The following CPA6 variants were observed in gnomAD, a reference collection of about 807,000 sequenced individuals.
The protein encoded by CPA6 is carboxypeptidase A6.
Under a neutral mutation model 63.3 loss-of-function variants are expected in CPA6, and 58 were observed. The ratio of observed to expected loss-of-function variants is 0.92; its 90% CI spans 0.74 to 1.14. CPA6 has a LOEUF of 1.14. Ranked by LOEUF, CPA6 falls within the 50% of genes most tolerant of loss-of-function variation. The pLI is 0.00. For synonymous variants in CPA6, 185 were observed against 179.0 expected, an observed-to-expected ratio of 1.03 and a Z score of -0.27; for missense variants, 565 against 526.6, an observed-to-expected ratio of 1.07 and a Z score of -0.71.
intron 1 of CPA6, among the ~76,000 whole-genome samples, chr8:67,637,355 CAG>C (rs1414872915): frequency 6.6e-6 from 1 of 151,536 alleles, no homozygotes; most frequent in Non-Finnish European, 1.5e-5. Context: ...TAGCATAAAT[CAG>C]AGAGGAGAAA....
At position 67,483,809 on chromosome 8, in the gene CPA6, C is replaced by A. The variant is rs140612122; in HGVS notation, c.797G>T (p.Arg266Leu). 1.1e-4 allele frequency: 184 copies of A among 1,614,154 alleles called. No individual in the cohort carries two copies. The highest frequency in any genetic ancestry group is 1.7e-4 in the Admixed American group (10 of 60,026). Residue 266 changes from arginine to leucine, a missense_variant, in exon 8 of 11, where the codon CGT (arginine) becomes CTT (leucine). Arg to Leu is a moderately radical substitution (Grantham distance 102, BLOSUM62 -2). Coordinates refer to ENST00000297770, the MANE Select transcript of CPA6 (RefSeq NM_020361.5). ...TRSRNSRFRC[R>L]GVDANRNWKV... The stretch of plus-strand genomic sequence containing the variant: ...CCAGTTTCTATTGGCATCCACTCCA[C>A]GGCAGCGAAACCTTGAGTTCCTTGA...
chr8:67,483,744 G>C lies in CPA6; in HGVS notation c.838+24C>G, dbSNP rs1321067841. 1.9e-6 allele frequency: 3 copies of C among 1,593,978 alleles called. No homozygotes were observed. The Admixed American group carries it at 5.0e-5, about 27-fold the overall frequency. ...AAACCTGCAGAAACCTTTGGATCTG[G>C]ATCCCAGTTGGTCCCAAACTTACCA... On this transcript the variant is annotated intron_variant, in intron 8 of 10. Transcript: ENST00000297770.
intron 8 of CPA6, among the ~76,000 whole-genome samples, chr8:67,443,208 G>A (rs1285538716): frequency 3.3e-5 from 5 of 151,884 alleles, no homozygotes; most frequent in East Asian, 3.9e-4. Context: ...GATTAGGTGC[G>A]CACCACCATG....
In CPA6 at chr8:67,511,637, A is replaced by G. The variant is rs201966963; in HGVS notation, c.336T>C (p.Leu112=). ...NIQYKVLIED[L]QKTLEKGSSL... ...TGCTTCCCTTCTCCAGTGTTTTCTGAAGATCTTCTATGAGGACCCTGAATT... is the reference window on the plus strand; with the variant it reads ...TGCTTCCCTTCTCCAGTGTTTTCTGGAGATCTTCTATGAGGACCCTGAATT... Residue 112 remains leucine, a synonymous_variant, in exon 4 of 11, where the codon CTT becomes CTC. Coordinates refer to ENST00000297770, the MANE Select transcript of CPA6 (RefSeq NM_020361.5). 6.8e-6 allele frequency: 11 copies of G among 1,606,792 alleles called. No individual in the cohort carries two copies. In the East Asian group the frequency reaches 2.2e-4, roughly 33 times the overall value.
In CPA6 at chr8:67,511,408, T is replaced by C. The variant is rs1466055825; in HGVS notation, c.432+133A>G. The C allele has an allele frequency of 7.9e-6, 5 of 635,050 alleles. No homozygotes were observed. In the African/African-American group the frequency reaches 9.0e-5, roughly 11 times the overall value. 39.3% of individuals were successfully genotyped at this position (635,050 alleles called of 1,614,324 possible). A position where few individuals can be genotyped will look rare whatever the true frequency, so the allele number is the denominator to read the frequency against. ...GCCTGGGCCATGTAAAAGCTACATATATTCTTCACATAGTACCTTCTCTGT... is the reference window on the plus strand; with the variant it reads ...GCCTGGGCCATGTAAAAGCTACATACATTCTTCACATAGTACCTTCTCTGT... On this transcript the variant is annotated intron_variant, in intron 4 of 10. Transcript: ENST00000297770.
chr8:67,728,083 A>AC (rs1817632824), intron 1 of CPA6, among the ~76,000 whole-genome samples: 1 of 151,124 alleles, frequency 6.6e-6, no homozygotes, highest in Non-Finnish European at 1.5e-5. Flanking sequence ...GTCTCAAAAA[A>AC]AAAAAAAACA....
Position 67,511,658 on chromosome 8 carries a change from G to A in CPA6, c.318-3C>T, listed in dbSNP as rs377667807. 4.5e-6 allele frequency: 7 copies of A among 1,538,834 alleles called. No homozygotes were observed. Among genetic ancestry groups the A allele is most frequent in the Non-Finnish European group, 6.3e-6 (7 of 1,112,248 alleles). Reference sequence around the variant, plus strand: ...TCTGAAGATCTTCTATGAGGACCCTGAATTTGGAATGACAGACATGATGAA... The same window carrying A: ...TCTGAAGATCTTCTATGAGGACCCTAAATTTGGAATGACAGACATGATGAA... On this transcript the variant is annotated splice_polypyrimidine_tract_variant and splice_region_variant and intron_variant, in intron 3 of 10. Transcript: ENST00000297770.
At chr8:67,499,703 T>C (rs1336165600) in intron 6 of CPA6, among the ~76,000 whole-genome samples, 1 of 152,210 alleles carries the variant, frequency 6.6e-6, no homozygotes, top group Non-Finnish European at 1.5e-5. Flanking sequence ...TCCATTTCCA[T>C]AATTTTGTCA....
intron 2 of CPA6, among the ~76,000 whole-genome samples, chr8:67,591,069 G>T (rs761120196): frequency 1.3e-5 from 2 of 150,560 alleles, no homozygotes; most frequent in Admixed American, 1.3e-4. Flanking sequence ...TGTATAAGGT[G>T]TAAGGAAGGG....
At chr8:67,639,488 G>A (rs1357265996) in intron 1 of CPA6, among the ~76,000 whole-genome samples, 1 of 151,592 alleles carries the variant, frequency 6.6e-6, no homozygotes, top group African/African-American at 2.4e-5. Context: ...TGCTGGTATG[G>A]GCACCAGCTC....
rs1373681475 is a variant in CPA6 at position 67,422,102 on chromosome 8, T to C, written c.*402A>G. The C allele has an allele frequency of 1.3e-5, 2 of 158,562 alleles. No individual in the cohort carries two copies. Among genetic ancestry groups the C allele is most frequent in the African/African-American group, 2.4e-5 (1 of 41,590 alleles). The allele number at this position is 158,562 out of a possible 1,614,324, so 9.8% of individuals were successfully genotyped here. A position where few individuals can be genotyped will look rare whatever the true frequency, so the allele number is the denominator to read the frequency against. ...TTATTACATTAAGAAGCATAGTTGT[T>C]TTTTTCCATTTCATAATTTTCCATT... is the stretch of plus-strand genomic sequence containing the variant. On this transcript the variant is annotated 3_prime_UTR_variant, in exon 11 of 11. Transcript: ENST00000297770.
intron 1 of CPA6, among the ~76,000 whole-genome samples, chr8:67,627,422 T>A (rs1479631703): frequency 6.6e-6 from 1 of 152,214 alleles, no homozygotes; most frequent in Non-Finnish European, 1.5e-5. Context: ...CTTTTCCTTA[T>A]AACTTATCAG....
chr8:67,664,726 G>T (rs571144142), intron 1 of CPA6, among the ~76,000 whole-genome samples: 2 of 152,222 alleles, frequency 1.3e-5, no homozygotes, highest in East Asian at 1.9e-4. Flanking sequence ...AATGGAAAAG[G>T]TACACTTTGA....
In CPA6 at chr8:67,473,857, T is replaced by C. The variant is rs1433606944; in HGVS notation, c.838+9911A>G. Among the ~76,000 whole-genome samples, 7 of 152,196 alleles carry C rather than the reference T, an allele frequency of 4.6e-5. No homozygotes were observed. In the South Asian group the frequency reaches 1.5e-3, roughly 32 times the overall value. On this transcript the variant is annotated intron_variant, in intron 8 of 10. Coordinates refer to ENST00000297770, the MANE Select transcript of CPA6 (RefSeq NM_020361.5). Reference sequence around the variant, plus strand: ...CCCGGGCTCAGGTGATCTGCCTGCCTAGGCCTCCCAAAGTGCTGGGATTAC... The same window carrying C: ...CCCGGGCTCAGGTGATCTGCCTGCCCAGGCCTCCCAAAGTGCTGGGATTAC...
chr8:67,623,735 G>GA (rs1217994733), intron 2 of CPA6, among the ~76,000 whole-genome samples: 7 of 152,158 alleles, frequency 4.6e-5, no homozygotes, highest in African/African-American at 1.4e-4. Flanking sequence ...CACACAGCCA[G>GA]AAAATTTTTG....
intron 1 of CPA6, among the ~76,000 whole-genome samples, chr8:67,699,095 G>A (rs75373537): frequency 0.014 from 2,055 of 152,172 alleles, 37 homozygotes; most frequent in African/African-American, 0.045. Context: ...ATGACTTCTG[G>A]GCACTTGGAG....
intron 3 of CPA6, among the ~76,000 whole-genome samples, chr8:67,513,007 A>G (rs1827524): frequency 0.46 from 69,418 of 152,086 alleles, 17,359 homozygotes; most frequent in African/African-American, 0.69. Flanking sequence ...TATGGACAAA[A>G]CACTTAATCA....
At chr8:67,724,294 T>C (rs2553680) in intron 1 of CPA6, among the ~76,000 whole-genome samples, 100,681 of 152,046 alleles carry the variant, frequency 0.66, 34,065 homozygotes, top group Admixed American at 0.73. Context: ...GGTCTGATTT[T>C]CTCATGTGGT....
chr8:67,595,044 A>C (rs1432934809), intron 2 of CPA6, among the ~76,000 whole-genome samples: 1 of 152,036 alleles, frequency 6.6e-6, no homozygotes, highest in Non-Finnish European at 1.5e-5. Flanking sequence ...ATGGTGATGT[A>C]CAGATGGGTT....
Sources: gnomAD v4.1 joint callset for allele counts (sites outside exome capture counted in the v4.1 genomes callset) on GRCh38, gnomAD v4.1.1 for gene constraint, MANE v1.5 for transcripts, NCBI Gene and HGNC (gene_info 2026-07-23, HGNC 2026-07-21) for gene names.